The following ERBB4 variants were observed in gnomAD, a reference collection of about 807,000 sequenced individuals.
ERBB4 encodes the protein receptor tyrosine-protein kinase erbB-4.
ERBB4 carries 42 observed loss-of-function variants against 158.0 expected under a neutral mutation model. The observed-to-expected ratio is 0.27, with a 90% CI of 0.21 to 0.34. The LOEUF (loss-of-function observed/expected upper bound fraction) is 0.34. ERBB4 is among the 10% of genes least tolerant of loss of function. The pLI is 1.00. For synonymous variants in ERBB4, 583 were observed against 558.7 expected (o/e 1.04, Z -0.61); for missense variants, 1,333 against 1,624.1 (o/e 0.82, Z 3.08).
chr2:212,114,489 T>C (rs748419910), intron 2 of ERBB4, among the ~76,000 whole-genome samples: 29 of 152,298 alleles, frequency 1.9e-4, no homozygotes, highest in Non-Finnish European at 2.6e-4. Flanking sequence ...CAAACAATTG[T>C]AGGAATTTAA....
At chr2:211,580,868 T>C (rs2068072593) in intron 19 of ERBB4, among the ~76,000 whole-genome samples, 1 of 60,778 alleles carries the variant, frequency 1.6e-5, no homozygotes, top group African/African-American at 1.1e-4. Flanking sequence ...TGCATATACA[T>C]ATATATATAT....
At chr2:211,444,826 A>G (rs893233674) in intron 20 of ERBB4, among the ~76,000 whole-genome samples, 2 of 152,104 alleles carry the variant, frequency 1.3e-5, no homozygotes, top group African/African-American at 4.8e-5. Flanking sequence ...AGATACATAC[A>G]TGGACACAGA....
chr2:212,137,141 C>T (rs1341102514), intron 1 of ERBB4, among the ~76,000 whole-genome samples: 2 of 152,122 alleles, frequency 1.3e-5, no homozygotes, highest in Admixed American at 1.3e-4. Context: ...ACAAGATAAT[C>T]ATACTTACAA....
rs66513032 is a variant in ERBB4 at position 211,430,766 on chromosome 2, TG to T, written c.2643+178del. Reference sequence around the variant, plus strand: ...TGGTATATATATATGTGTGTGTATATGATATATATATACACACACATATATA... The same window carrying T: ...TGGTATATATATATGTGTGTGTATATATATATATATACACACACATATATA... On this transcript the variant is annotated intron_variant, in intron 21 of 27. Transcript: ENST00000342788. Among the ~76,000 whole-genome samples, 36,668 of 150,422 alleles carry T rather than the reference TG, an allele frequency of 0.24. 5,052 individuals carry two copies. Among genetic ancestry groups the T allele is most frequent in the South Asian group, 0.51 (2,449 of 4,786 alleles).
chr2:212,485,032 A>T (rs975200236), intron 1 of ERBB4, among the ~76,000 whole-genome samples: 1 of 152,174 alleles, frequency 6.6e-6, no homozygotes, highest in Non-Finnish European at 1.5e-5. Context: ...TCCTGCTCCA[A>T]TATTTTATCC....
chr2:212,003,196 AGAAAGAAAGACAGAAAGAAGGAAGGAAG>A (rs1469820117), intron 2 of ERBB4, among the ~76,000 whole-genome samples: 1,736 of 65,432 alleles, frequency 0.027, 120 homozygotes, highest in Non-Finnish European at 0.046. Context: ...AAAGAAAGAA[AGAAAGAAAGACAGAAAGAAGGAAGGAAG>A]GAAGGAAGGA....
chr2:211,821,137 A>C (rs906881423), intron 3 of ERBB4, among the ~76,000 whole-genome samples: 1 of 151,912 alleles, frequency 6.6e-6, no homozygotes, highest in Non-Finnish European at 1.5e-5. Context: ...ACAATCTTAT[A>C]TATAGACAGA....
rs772629122 is a variant in ERBB4, at chr2:211,702,052, A to G, written c.1404T>C (p.Tyr468=). Residue 468 remains tyrosine, a synonymous_variant, in exon 12 of 28, where the codon TAT becomes TAC. Coordinates refer to ENST00000342788, the MANE Select transcript of ERBB4 (RefSeq NM_005235.3). ...IYITDNSNLC[Y]YHTINWTTLF... ...GTGTTGTCCAGTTAATGGTATGATA[A>G]TAACACAGGTTGCTGTTGTCAGTAA... is the stretch of plus-strand genomic sequence containing the variant. 4.3e-6 allele frequency: 7 copies of G among 1,613,886 alleles called. No homozygotes were observed. The highest frequency in any genetic ancestry group is 3.3e-5 in the Admixed American group (2 of 60,010).
In ERBB4 at chr2:211,437,572, G is replaced by A. The variant is rs1034517039; in HGVS notation, c.2488-6472C>T. 3.3e-5 allele frequency among the ~76,000 whole-genome samples: 5 copies of A among 152,156 alleles called. No homozygotes were observed. In the East Asian group the frequency reaches 5.8e-4, roughly 18 times the overall value. On this transcript the variant is annotated intron_variant, in intron 20 of 27. Transcript: ENST00000342788. ...TGAAAATGTATTTTGCCCAGCTGCC[G>A]GAAGCTAAAGGAAGTCAAGAGAGAC...
At chr2:211,901,430 T>C (rs755697176) in intron 3 of ERBB4, among the ~76,000 whole-genome samples, 4 of 152,164 alleles carry the variant, frequency 2.6e-5, no homozygotes, top group Non-Finnish European at 5.9e-5. Context: ...CTGGCAGGAA[T>C]AGTCAGTGAC....
chr2:211,667,168 A>G (rs1027608491), intron 14 of ERBB4, among the ~76,000 whole-genome samples: 1 of 135,102 alleles, frequency 7.4e-6, no homozygotes, highest in African/African-American at 3.3e-5. Context: ...GCCACACTCA[A>G]AGCTGTCCTG....
intron 4 of ERBB4, chr2:211,779,399 G>A (rs1174251237): frequency 6.6e-6 from 1 of 152,166 alleles, no homozygotes; most frequent in Admixed American, 6.5e-5. Context: ...CGCCATTATA[G>A]GAGGCTTTGT....
At chr2:211,720,622 T>C (rs2074062373) in intron 7 of ERBB4, among the ~76,000 whole-genome samples, 1 of 152,208 alleles carries the variant, frequency 6.6e-6, no homozygotes, top group Non-Finnish European at 1.5e-5. Flanking sequence ...ATGTGGCTTA[T>C]GTTCATCTAC....
chr2:211,609,118 G>A lies in ERBB4; in HGVS notation c.2301+10059C>T, dbSNP rs9677396. Among the ~76,000 whole-genome samples, 1,169 of 152,010 alleles carry A rather than the reference G, an allele frequency of 7.7e-3. 22 individuals carry two copies. Among genetic ancestry groups the A allele is most frequent in the African/African-American group, 0.027 (1,129 of 41,448 alleles). ...TCTGACTTTCTCCTGTCCTCCTGTC[G>A]CTCAGTCCCATTTTCCACCAAGGCA... On this transcript the variant is annotated intron_variant, in intron 19 of 27. Transcript: ENST00000342788.
intron 3 of ERBB4, among the ~76,000 whole-genome samples, chr2:211,810,860 G>C (rs1471613231): frequency 6.6e-6 from 1 of 151,588 alleles, no homozygotes; most frequent in Non-Finnish European, 1.5e-5. Flanking sequence ...ATTTTTAGTA[G>C]AGACGGGGTT....
At chr2:212,192,560 TG>T (rs2082305424) in intron 1 of ERBB4, among the ~76,000 whole-genome samples, 1 of 152,030 alleles carries the variant, frequency 6.6e-6, no homozygotes, top group South Asian at 2.1e-4. Context: ...TGGTGAGAAA[TG>T]AAGGAAAAAA....
At position 211,388,004 on chromosome 2, in the gene ERBB4, GA is replaced by G. The variant is rs1373944410; in HGVS notation, c.3136-13del. The G allele has an allele frequency of 5.7e-6, 9 of 1,574,712 alleles. No individual in the cohort carries two copies. Among genetic ancestry groups the G allele is most frequent in the Non-Finnish European group, 5.2e-6 (6 of 1,146,702 alleles). On this transcript the variant is annotated splice_polypyrimidine_tract_variant and intron_variant, in intron 25 of 27. Coordinates refer to ENST00000342788, the MANE Select transcript of ERBB4 (RefSeq NM_005235.3). The stretch of plus-strand genomic sequence containing the variant: ...TGTCCAATTTCACTCTAATAGGAAA[GA>G]AAAATGGAATGATGGATATAATAAG...
At chr2:211,942,346 ATTTATTTAT>A (rs1229783758) in intron 3 of ERBB4, among the ~76,000 whole-genome samples, 1 of 150,344 alleles carries the variant, frequency 6.7e-6, no homozygotes, top group African/African-American at 2.4e-5. Flanking sequence ...TTATTTATTT[ATTTATTTAT>A]TTATTTATTT....
At chr2:212,384,310 A>G (rs2090603628) in intron 1 of ERBB4, among the ~76,000 whole-genome samples, 1 of 151,714 alleles carries the variant, frequency 6.6e-6, no homozygotes, top group Non-Finnish European at 1.5e-5. Flanking sequence ...AGACAAGTAG[A>G]CTGGCCTGTT....
Sources: allele counts gnomAD v4.1 joint callset (sites outside exome capture counted in the v4.1 genomes callset), GRCh38; gene constraint gnomAD v4.1.1; transcripts MANE v1.5; gene names NCBI Gene and HGNC (gene_info 2026-07-23, HGNC 2026-07-21).